Variants in WWOX observed in about 807,000 individuals in gnomAD.
The protein encoded by WWOX is WW domain-containing oxidoreductase.
In WWOX, 69 loss-of-function variants were observed where a neutral mutation model predicts 46.2. The observed-to-expected ratio is 1.49, with a 90% CI of 1.23 to 1.82. The LOEUF (loss-of-function observed/expected upper bound fraction) is 1.82. WWOX is among the 40% of genes most tolerant of loss of function. The pLI, the probability that WWOX is intolerant of heterozygous loss-of-function variation, is 0.00. For synonymous variants in WWOX, 359 were observed against 202.6 expected (o/e 1.77, Z -6.56); for missense variants, 919 against 542.6 (o/e 1.69, Z -6.89).
At chr16:79,178,140 T>G (rs1376680387) in intron 8 of WWOX, among the ~76,000 whole-genome samples, 1 of 152,178 alleles carries the variant, frequency 6.6e-6, no homozygotes, top group Non-Finnish European at 1.5e-5. Context: ...TTTCAACGCT[T>G]GAATTTTTTG....
intron 8 of WWOX, chr16:78,526,650 C>G (rs1311402494): frequency 1.3e-5 from 2 of 152,394 alleles, no homozygotes; most frequent in East Asian, 3.9e-4. Flanking sequence ...TCTCAGTCAC[C>G]AGCCCCAAAC....
rs374644196 is a variant in WWOX, at chr16:78,911,114, C to G, written c.1057-300494C>G. 6.6e-5 allele frequency among the ~76,000 whole-genome samples: 10 copies of G among 152,150 alleles called. No individual in the cohort carries two copies. The East Asian group carries it at 1.9e-3, about 29-fold the overall frequency. On this transcript the variant is annotated intron_variant, in intron 8 of 8. Transcript: ENST00000566780. Reference sequence around the variant, plus strand: ...CCTTCTTGTTCTCCCCAGTTGCAGACCTCAGACAGGAGTCTGCTTGTCTTC... The same window carrying G: ...CCTTCTTGTTCTCCCCAGTTGCAGAGCTCAGACAGGAGTCTGCTTGTCTTC...
At chr16:79,109,293 T>C (rs997757622) in intron 8 of WWOX, among the ~76,000 whole-genome samples, 7 of 152,160 alleles carry the variant, frequency 4.6e-5, no homozygotes, top group Non-Finnish European at 1.0e-4. Context: ...GATCCTTGTC[T>C]CCCAGACCCC....
intron 5 of WWOX, among the ~76,000 whole-genome samples, chr16:78,187,850 C>A (rs2035758980): frequency 6.6e-6 from 1 of 152,168 alleles, no homozygotes; most frequent in Non-Finnish European, 1.5e-5. Context: ...TACTTTCTCA[C>A]CCAATTTTAA....
chr16:79,086,937 C>T (rs1028974393), intron 8 of WWOX, among the ~76,000 whole-genome samples: 1 of 152,136 alleles, frequency 6.6e-6, no homozygotes, highest in South Asian at 2.1e-4. Flanking sequence ...AGTCACATCT[C>T]TAGTACAGAC....
intron 6 of WWOX, among the ~76,000 whole-genome samples, chr16:78,421,124 T>C (rs1446026879): frequency 1.3e-5 from 2 of 152,206 alleles, no homozygotes; most frequent in Admixed American, 6.5e-5. Context: ...TATTAGGAAA[T>C]AATCTTGGAA....
intron 8 of WWOX, among the ~76,000 whole-genome samples, chr16:78,757,933 G>T (rs1343830654): frequency 1.3e-5 from 2 of 151,924 alleles, no homozygotes; most frequent in African/African-American, 2.4e-5. Context: ...GGAGATTAGG[G>T]TTTCCAAATA....
chr16:79,126,221 G>C (rs189808613), intron 8 of WWOX, among the ~76,000 whole-genome samples: 15 of 152,106 alleles, frequency 9.9e-5, no homozygotes, highest in Admixed American at 7.2e-4. Flanking sequence ...CTTGGGCTTT[G>C]GGGTGCTGGG....
intron 5 of WWOX, among the ~76,000 whole-genome samples, chr16:78,207,942 A>G (rs1344313163): frequency 6.6e-6 from 1 of 152,032 alleles, no homozygotes; most frequent in African/African-American, 2.4e-5. Context: ...CCTCCTGAGT[A>G]CCTGGGATTG....
At chr16:79,032,679 T>TAC (rs1451439089) in intron 8 of WWOX, among the ~76,000 whole-genome samples, 362 of 144,986 alleles carry the variant, frequency 2.5e-3, no homozygotes, top group Non-Finnish European at 3.4e-3. Flanking sequence ...TATATATATA[T>TAC]ATACACACAC....
At chr16:78,405,963 C>G (rs1018451072) in intron 6 of WWOX, among the ~76,000 whole-genome samples, 1 of 152,030 alleles carries the variant, frequency 6.6e-6, no homozygotes, top group Non-Finnish European at 1.5e-5. Context: ...CAAAAGAATT[C>G]TCTTATGCAC....
At chr16:78,586,048 C>CAACA (rs201517912) in intron 8 of WWOX, among the ~76,000 whole-genome samples, 1 of 151,724 alleles carries the variant, frequency 6.6e-6, no homozygotes, top group Middle Eastern at 3.2e-3. Context: ...AAAACAACAA[C>CAACA]AACAAACAAA....
At chr16:78,531,933 C>T (rs1216274491) in intron 8 of WWOX, among the ~76,000 whole-genome samples, 2 of 152,110 alleles carry the variant, frequency 1.3e-5, no homozygotes, top group South Asian at 2.1e-4. Flanking sequence ...TCTCTTTCTC[C>T]CTTTCCCACC....
Position 78,403,617 on chromosome 16 carries a change from A to G in WWOX, c.605+16669A>G, listed in dbSNP as rs544257250. On this transcript the variant is annotated intron_variant, in intron 6 of 8. Coordinates refer to ENST00000566780, the MANE Select transcript of WWOX (RefSeq NM_016373.4). ...TTTTATGTATTCAGGAGGCCCAGGT[A>G]TTATTTTAATAGAAGCACTATTGAC... is the stretch of plus-strand genomic sequence containing the variant. Among the ~76,000 whole-genome samples, 4 of 152,300 alleles carry G rather than the reference A, an allele frequency of 2.6e-5. No homozygotes were observed. The East Asian group carries it at 7.7e-4, about 29-fold the overall frequency.
rs7198050 is a variant in WWOX at position 78,911,024 on chromosome 16, T to A, written c.1057-300584T>A. On this transcript the variant is annotated intron_variant, in intron 8 of 8. Coordinates refer to ENST00000566780, the MANE Select transcript of WWOX (RefSeq NM_016373.4). ...GTCAATTAAAAATAAATTAAAAAAA[T>A]TAAAAAATGGCTTTCCCACAGCCTG... is the stretch of plus-strand genomic sequence containing the variant. 5.0e-3 allele frequency among the ~76,000 whole-genome samples: 755 copies of A among 152,098 alleles called. 9 individuals carry two copies. The highest frequency in any genetic ancestry group is 0.017 in the African/African-American group (713 of 41,532).
intron 8 of WWOX, among the ~76,000 whole-genome samples, chr16:78,775,311 G>T (rs1447472692): frequency 6.6e-6 from 1 of 152,166 alleles, no homozygotes; most frequent in Non-Finnish European, 1.5e-5. Context: ...TCACAGCAAT[G>T]CCTTTGAGAA....
intron 8 of WWOX, among the ~76,000 whole-genome samples, chr16:78,793,631 A>T (rs62038631): frequency 0.035 from 5,370 of 152,346 alleles, 122 homozygotes; most frequent in Non-Finnish European, 0.051. Flanking sequence ...GTGCCTACAT[A>T]GCACACAGCA....
At chr16:78,628,765 G>A (rs1434813277) in intron 8 of WWOX, among the ~76,000 whole-genome samples, 1 of 152,122 alleles carries the variant, frequency 6.6e-6, no homozygotes, top group South Asian at 2.1e-4. Flanking sequence ...ATTATGAAAG[G>A]AAGAGGAGAG....
At chr16:78,412,894 A>G (rs2082715084) in intron 6 of WWOX, among the ~76,000 whole-genome samples, 1 of 152,208 alleles carries the variant, frequency 6.6e-6, no homozygotes, top group African/African-American at 2.4e-5. Flanking sequence ...TGCCTAGGTC[A>G]AGTGAATGTC....
Sources: allele counts gnomAD v4.1 joint callset (sites outside exome capture counted in the v4.1 genomes callset), GRCh38; gene constraint gnomAD v4.1.1; transcripts MANE v1.5; gene names NCBI Gene and HGNC (gene_info 2026-07-23, HGNC 2026-07-21).